The following KLC1 variants were observed in gnomAD, a reference collection of about 807,000 sequenced individuals.
KLC1 encodes kinesin 2 60/70kDa.
In KLC1, 30 loss-of-function variants were observed where a neutral mutation model predicts 84.2. The observed-to-expected ratio is 0.36, with a 90% CI of 0.27 to 0.48. KLC1 has a LOEUF of 0.48. Among genes scored for constraint, KLC1 ranks in the 20% least tolerant of loss-of-function variants. The pLI is 0.99. For missense variants in KLC1, 499 were observed against 805.4 expected (o/e 0.62, Z 4.60); for synonymous variants, 289 against 293.3 (o/e 0.99, Z 0.15).
At chr14:103,695,259 A>G (rs2082357139) in intron 15 of KLC1, 3 of 677,420 alleles carry the variant, frequency 4.4e-6, no homozygotes, top group African/African-American at 3.9e-5. Flanking sequence ...AGCCCAGTTC[A>G]AGAACAGCTT....
At chr14:103,679,271 T>G (rs1307194937) in intron 12 of KLC1, 113 bp from the exon 13 acceptor site, 1 of 1,386,584 alleles carries the variant, frequency 7.2e-7, no homozygotes, top group Admixed American at 2.1e-5. Flanking sequence ...TGTTTTTCCC[T>G]CCAGTGATTA....
At chr14:103,654,035 C>T (rs1306168403) in intron 1 of KLC1, among the ~76,000 whole-genome samples, 4 of 152,200 alleles carry the variant, frequency 2.6e-5, no homozygotes, top group South Asian at 2.1e-4. Flanking sequence ...TGAGCCTGCC[C>T]GGTGACCGTG....
chr14:103,639,474 G>A (rs1291639350), intron 1 of KLC1, among the ~76,000 whole-genome samples: 1 of 151,904 alleles, frequency 6.6e-6, no homozygotes, highest in Non-Finnish European at 1.5e-5. Context: ...ACAGGGTTTC[G>A]CTGTGTCACC....
intron 1 of KLC1, among the ~76,000 whole-genome samples, chr14:103,631,364 G>A (rs1037732561): frequency 2.0e-5 from 3 of 152,018 alleles, no homozygotes; most frequent in African/African-American, 7.3e-5. Context: ...ACAGGCGTGA[G>A]CCACCGCACC....
intron 13 of KLC1, chr14:103,685,361 T>C: frequency 2.4e-6 from 3 of 1,233,930 alleles, no homozygotes; most frequent in Non-Finnish European, 3.1e-6. Context: ...AGATTTCTAA[T>C]ACGTTGCCAA....
intron 5 of KLC1, among the ~76,000 whole-genome samples, chr14:103,669,107 A>C (rs767260847): frequency 2.0e-5 from 3 of 151,924 alleles, no homozygotes; most frequent in Non-Finnish European, 4.4e-5. Context: ...GTTTAAGCTT[A>C]ACTTTTATTT....
At chr14:103,691,731 A>G (rs1205903739) in intron 14 of KLC1, among the ~76,000 whole-genome samples, 1 of 151,798 alleles carries the variant, frequency 6.6e-6, no homozygotes, top group African/African-American at 2.4e-5. Flanking sequence ...AGCCTCCCAA[A>G]GATTACAGGT....
intron 1 of KLC1, among the ~76,000 whole-genome samples, chr14:103,643,695 A>G (rs2151377474): frequency 6.6e-6 from 1 of 152,244 alleles, no homozygotes; most frequent in Non-Finnish European, 1.5e-5. Flanking sequence ...TGGAAGGCCA[A>G]GGCAGGCAGA....
At chr14:103,691,446 C>T (rs1461644010) in intron 14 of KLC1, among the ~76,000 whole-genome samples, 1 of 143,266 alleles carries the variant, frequency 7.0e-6, no homozygotes, top group Non-Finnish European at 1.5e-5. Flanking sequence ...AAGCATGAGC[C>T]ACCACGCCTG....
In KLC1 at chr14:103,701,234, T is replaced by G; in HGVS notation, c.*35T>G. 1 of 1,548,670 alleles carries G rather than the reference T, an allele frequency of 6.5e-7. No individual in the cohort carries two copies. Among genetic ancestry groups the G allele is most frequent in the Non-Finnish European group, 8.7e-7 (1 of 1,145,238 alleles). ...ACCTGGCCCCGCTCCAGGATGGGAC[T>G]GCCGAGTGTGGCCCGGAGCTGGCCC... is the stretch of plus-strand genomic sequence containing the variant. On this transcript the variant is annotated 3_prime_UTR_variant, in exon 17 of 17. Coordinates refer to ENST00000334553, the MANE Select transcript of KLC1 (RefSeq NM_001394837.1).
intron 5 of KLC1, among the ~76,000 whole-genome samples, chr14:103,663,919 G>A (rs545811648): frequency 1.3e-5 from 2 of 152,272 alleles, no homozygotes; most frequent in South Asian, 2.1e-4. Flanking sequence ...CTACCCACAC[G>A]CATAAGTGAT....
chr14:103,699,107 T>C (rs2082857468), intron 15 of KLC1: 4 of 1,569,798 alleles, frequency 2.5e-6, no homozygotes, highest in East Asian at 4.7e-5. Context: ...TGCACAGAGG[T>C]GCACACACCA....
chr14:103,694,769 C>A lies in KLC1; in HGVS notation c.1848+2344C>A, dbSNP rs1008517826. 1.5e-5 allele frequency: 15 copies of A among 985,516 alleles called. No homozygotes were observed. Among genetic ancestry groups the A allele is most frequent in the Non-Finnish European group, 1.6e-5 (13 of 829,960 alleles). 61.0% of individuals were successfully genotyped at this position (985,516 alleles called of 1,614,324 possible). On this transcript the variant is annotated intron_variant, in intron 15 of 16. Transcript: ENST00000334553. The surrounding 1 kb of genome is among the most constrained non-coding windows in gnomAD (Gnocchi z 4.5). ...GCACAGCAGAGGCTCACACTTGTCA[C>A]CTTCAGCCTCTAGAAGCTCCCCGTG...
chr14:103,699,660 C>T (rs922095061), intron 15 of KLC1: 92 of 1,410,018 alleles, frequency 6.5e-5, no homozygotes, highest in South Asian at 3.4e-4. Flanking sequence ...GTCACTCGAC[C>T]GTCTGAAAAC....
In KLC1 at chr14:103,662,736, C is replaced by A. The variant is rs1356798499; in HGVS notation, c.606C>A (p.Ala202=). 1 of 1,604,930 alleles carries A rather than the reference C, an allele frequency of 6.2e-7. No individual in the cohort carries two copies. The highest frequency in any genetic ancestry group is 8.5e-7 in the Non-Finnish European group (1 of 1,176,056). The change falls in exon 5 of 17, where the codon GCC becomes GCA. Residue 202 remains alanine, a synonymous_variant. Coordinates refer to ENST00000334553, the MANE Select transcript of KLC1 (RefSeq NM_001394837.1). ...QQQHSSAAAA[A]QQGGYEIPAR... is the part of the protein sequence containing the mutation. The stretch of plus-strand genomic sequence containing the variant: ...AGCACAGCAGTGCAGCCGCGGCTGC[C>A]CAGCAGGGCGGCTACGAGATCCCCG...
Position 103,662,692 on chromosome 14 carries a change from C to A in KLC1, c.572-10C>A. On this transcript the variant is annotated splice_polypyrimidine_tract_variant and intron_variant, in intron 4 of 16. Transcript: ENST00000334553. ...TAAAAACCCATCTGAAGTGAACTTT[C>A]TCGGTGCAGTCCAGCAGCAGCACAG... The A allele has an allele frequency of 6.5e-7, 1 of 1,544,702 alleles. No homozygotes were observed. The highest frequency in any genetic ancestry group is 1.2e-5 in the South Asian group (1 of 83,852).
chr14:103,650,828 C>T (rs1338477791), intron 1 of KLC1, among the ~76,000 whole-genome samples: 1 of 151,734 alleles, frequency 6.6e-6, no homozygotes, highest in Non-Finnish European at 1.5e-5. Context: ...ATCTGCTTAC[C>T]TGGGCCTCCC....
chr14:103,635,925 T>G (rs2151286783), intron 1 of KLC1, among the ~76,000 whole-genome samples: 1 of 152,282 alleles, frequency 6.6e-6, no homozygotes, highest in South Asian at 2.1e-4. Context: ...TTGCAGTACT[T>G]AAAGCTGCAG....
intron 15 of KLC1, chr14:103,698,921 A>T: frequency 1.7e-5 from 27 of 1,601,356 alleles, no homozygotes; most frequent in Non-Finnish European, 2.3e-5. Flanking sequence ...AGCCGAGGGC[A>T]GCCTCTTCCT....
Sources: gnomAD v4.1 joint callset for allele counts (sites outside exome capture counted in the v4.1 genomes callset) on GRCh38, gnomAD v4.1.1 for gene constraint, Gnocchi (gnomAD v3.1) non-coding constraint, MANE v1.5 for transcripts, NCBI Gene and HGNC (gene_info 2026-07-23, HGNC 2026-07-21) for gene names.